Variants in ZNF726 observed in about 807,000 individuals in gnomAD.
ZNF726 encodes zinc finger protein 92 pseudogene 3.
A neutral mutation model predicts 11.6 loss-of-function variants in ZNF726; 15 were observed. The ratio of observed to expected loss-of-function variants is 1.29; its 90% CI spans 0.86 to 1.99. The LOEUF (loss-of-function observed/expected upper bound fraction) is 1.99, where lower values mean the gene tolerates loss of function less well. Among genes scored for constraint, ZNF726 ranks in the 30% most tolerant of loss-of-function variants. The probability of loss-of-function intolerance (pLI) is 0.00; values close to 1 mark genes in which losing one functional copy is unlikely to be tolerated. For missense variants in ZNF726, 890 were observed against 725.6 expected, an observed-to-expected ratio of 1.23 and a Z score of -2.60; for synonymous variants, 295 against 243.6, an observed-to-expected ratio of 1.21 and a Z score of -1.96.
intron 2 of ZNF726, 24 bp downstream of exon 2, chr19:23,919,523 T>A: frequency 6.4e-7 from 1 of 1,558,710 alleles, no homozygotes; most frequent in South Asian, 1.2e-5. Context: ...TAATACAAAA[T>A]TTTTAATATA....
At chr19:23,935,148 T>C (rs1454809863), downstream of ZNF726, 1 of 374,518 alleles carries the variant, frequency 2.7e-6, no homozygotes, top group African/African-American at 2.1e-5. Context: ...GCAAATCTCG[T>C]CTTGAATCCC....
downstream of ZNF726, chr19:23,935,160 A>G (rs905519751): frequency 7.7e-6 from 3 of 387,194 alleles, no homozygotes; most frequent in Admixed American, 2.9e-5. Context: ...TTGAATCCCC[A>G]CATGTTGTGG....
intron 1 of ZNF726, among the ~76,000 whole-genome samples, 179 bp downstream of exon 1, chr19:23,915,176 G>C (rs1469698188): frequency 1.3e-5 from 2 of 152,174 alleles, no homozygotes; most frequent in African/African-American, 2.4e-5. Flanking sequence ...TGACAGCCGG[G>C]CTCCCGGGCG....
At chr19:23,937,050 C>T (rs1294180709), downstream of ZNF726, among the ~76,000 whole-genome samples, 2 of 151,542 alleles carry the variant, frequency 1.3e-5, no homozygotes, top group South Asian at 2.1e-4. Flanking sequence ...AGAGGCGCCC[C>T]TCACCTCCCG....
intron 1 of ZNF726, chr19:23,919,010 CAT>C (rs1967774088): frequency 4.9e-6 from 1 of 204,974 alleles, no homozygotes. Flanking sequence ...TCTAACTCAA[CAT>C]GTTTATTTTG....
At chr19:23,925,069 T>C (rs1967950394) in intron 3 of ZNF726, among the ~76,000 whole-genome samples, 1 of 152,212 alleles carries the variant, frequency 6.6e-6, no homozygotes. Context: ...TTTTTACAAG[T>C]GTAATTGTCT....
downstream of ZNF726, chr19:23,935,167 G>T: frequency 7.5e-6 from 3 of 399,250 alleles, no homozygotes; most frequent in Non-Finnish European, 1.5e-5. Flanking sequence ...CCCACATGTT[G>T]TGGGGAGAGA....
At position 23,932,788 on chromosome 19, in the gene ZNF726, T is replaced by A; in HGVS notation, c.672T>A (p.Thr224=). ...TTACTAATCATAAGAAAACTCATAC[T>A]GAAGAAAAGCCCTACAAATGTGAAG... The part of the protein sequence containing the change: ...STLTNHKKTH[T]EEKPYKCEEY... The change falls in exon 4 of 4, where the codon ACT becomes ACA. Residue 224 remains threonine (T), a synonymous_variant. Transcript: ENST00000594466. 6.2e-7 allele frequency: 1 copy of A among 1,611,952 alleles called. No individual in the cohort carries two copies. Among genetic ancestry groups the A allele is most frequent in the Non-Finnish European group, 8.5e-7 (1 of 1,179,256 alleles).
At chr19:23,937,090 A>AC (rs538947603), downstream of ZNF726, among the ~76,000 whole-genome samples, 28,871 of 135,764 alleles carry the variant, frequency 0.21, 2,948 homozygotes, top group Middle Eastern at 0.25. Context: ...CGGGGGGCTG[A>AC]CCCCCCCCAC....
downstream of ZNF726, chr19:23,934,602 TTCTC>T (rs1387660801): frequency 2.3e-5 from 7 of 309,836 alleles, no homozygotes; most frequent in Admixed American, 2.2e-4. Flanking sequence ...TCCTGTGGCT[TTCTC>T]TCCTCTCCAG....
At chr19:23,918,570 G>A (rs964604303) in intron 1 of ZNF726, among the ~76,000 whole-genome samples, 8 of 152,122 alleles carry the variant, frequency 5.3e-5, no homozygotes, top group Non-Finnish European at 8.8e-5. Context: ...TGTGTCCTGC[G>A]TGCATCAGCA....
chr19:23,916,483 A>C (rs1055567032), intron 1 of ZNF726, among the ~76,000 whole-genome samples: 1 of 152,132 alleles, frequency 6.6e-6, no homozygotes, highest in African/African-American at 2.4e-5. Flanking sequence ...GATGCCTGGC[A>C]CCACGCCTGG....
intron 3 of ZNF726, chr19:23,923,484 T>C (rs575789118): frequency 4.4e-5 from 14 of 316,410 alleles, no homozygotes; most frequent in South Asian, 3.5e-4. Context: ...TGATCTTGGC[T>C]CACTGCAACC....
chr19:23,935,179 C>A (rs1219061570), downstream of ZNF726: 1 of 410,098 alleles, frequency 2.4e-6, no homozygotes, highest in Non-Finnish European at 4.9e-6. Flanking sequence ...GGGGAGAGAC[C>A]CAGTGGGAGG....
chr19:23,934,663 CAG>C (rs896269778), downstream of ZNF726, among the ~76,000 whole-genome samples: 34 of 152,218 alleles, frequency 2.2e-4, no homozygotes, highest in African/African-American at 8.2e-4. Context: ...GCTAAGGAAT[CAG>C]ACACACCGGG....
rs149367127 is a variant in ZNF726 at position 23,916,791 on chromosome 19, T to C, written c.3+1794T>C. ...TAGTCACAGATATCTTAGAATGTTT[T>C]TGGGTCAAGATTTTTTTTTTTTTGG... On this transcript the variant is annotated intron_variant, in intron 1 of 3. Transcript: ENST00000594466. Among the ~76,000 whole-genome samples, 1,363 of 152,266 alleles carry C rather than the reference T, an allele frequency of 9.0e-3. 29 individuals are homozygous for C. Among genetic ancestry groups the C allele is most frequent in the African/African-American group, 0.031 (1,296 of 41,528 alleles).
In ZNF726 at chr19:23,916,801, AT is replaced by A. The variant is rs59458760; in HGVS notation, c.3+1817del. On this transcript the variant is annotated intron_variant, in intron 1 of 3. Transcript: ENST00000594466. Reference sequence around the variant, plus strand: ...TATCTTAGAATGTTTTTGGGTCAAGATTTTTTTTTTTTTGGAAACTTCATAG... The same window carrying A: ...TATCTTAGAATGTTTTTGGGTCAAGATTTTTTTTTTTTGGAAACTTCATAG... 2.5e-3 allele frequency among the ~76,000 whole-genome samples: 363 copies of A among 144,942 alleles called. 1 individual carries two copies. The Middle Eastern group carries it at 0.037, about 15-fold the overall frequency.
downstream of ZNF726, among the ~76,000 whole-genome samples, chr19:23,937,545 T>C (rs893434366): frequency 3.5e-5 from 5 of 143,568 alleles, no homozygotes; most frequent in East Asian, 4.2e-4. Context: ...TCTCAGACGA[T>C]GGGCAGCCGG....
Position 23,932,843 on chromosome 19 carries a change from A to G in ZNF726, c.727A>G (p.Asn243Asp), listed in dbSNP as rs767402185. 8.1e-5 allele frequency: 130 copies of G among 1,606,548 alleles called. No homozygotes were observed. The highest frequency in any genetic ancestry group is 1.1e-4 in the Non-Finnish European group (129 of 1,176,760). The change falls in exon 4 of 4, where the codon AAT (asparagine) becomes GAT (aspartate). Residue 243 changes from asparagine to aspartate, a missense_variant. By Grantham distance (23) the Asn-to-Asp change is conservative. Coordinates refer to ENST00000594466, the MANE Select transcript of ZNF726 (RefSeq NM_001244038.2). ...EYGKAFNQSS[N>D]YTTHKVTHTG... ...TGGCAAAGCTTTTAATCAATCCTCA[A>G]ATTATACTACACATAAGGTAACTCA...
Sources: gnomAD v4.1 joint callset for allele counts (sites outside exome capture counted in the v4.1 genomes callset) on GRCh38, gnomAD v4.1.1 for gene constraint, MANE v1.5 for transcripts, NCBI Gene and HGNC (gene_info 2026-07-23, HGNC 2026-07-21) for gene names.